The following PCDH15 variants were observed in gnomAD, a reference collection of about 807,000 sequenced individuals.
The protein encoded by PCDH15 is protocadherin-15.
A neutral mutation model predicts 178.5 loss-of-function variants in PCDH15; 129 were observed. The observed-to-expected ratio is 0.72, with a 90% CI of 0.63 to 0.84. The LOEUF (loss-of-function observed/expected upper bound fraction) is 0.84. Among genes scored for constraint, PCDH15 ranks in the 40% least tolerant of loss-of-function variants. The probability of loss-of-function intolerance (pLI) is 0.00; values close to 1 mark genes in which losing one functional copy is unlikely to be tolerated. For synonymous variants in PCDH15, 800 were observed against 732.0 expected (o/e 1.09, Z -1.50); for missense variants, 2,230 against 2,099.9 (o/e 1.06, Z -1.21).
At chr10:54,454,850 T>G (rs1174839830) in intron 3 of PCDH15, among the ~76,000 whole-genome samples, 1 of 152,110 alleles carries the variant, frequency 6.6e-6, no homozygotes, top group African/African-American at 2.4e-5. Context: ...TTTTGAGAAA[T>G]TTTGTTTTAT....
rs1938400501 is a variant in PCDH15 at position 54,327,459 on chromosome 10, A to C, written c.705+2137T>G. 2.7e-5 allele frequency among the ~76,000 whole-genome samples: 4 copies of C among 149,440 alleles called. No individual in the cohort carries two copies. In the Admixed American group the frequency reaches 2.7e-4, roughly 10 times the overall value. The stretch of plus-strand genomic sequence containing the variant: ...TTATAATATATAATTATAATATATA[A>C]AATAATAAATCATTTTTAAAATCTG... On this transcript the variant is annotated intron_variant, in intron 7 of 37. Transcript: ENST00000644397.
chr10:54,569,019 A>T (rs2089430299), intron 2 of PCDH15, among the ~76,000 whole-genome samples: 2 of 152,046 alleles, frequency 1.3e-5, no homozygotes, highest in South Asian at 4.1e-4. Context: ...AATTGCTCTA[A>T]TATAATTTTA....
At chr10:55,042,216 T>A (rs181979196) in intron 2 of PCDH15, among the ~76,000 whole-genome samples, 80 of 152,286 alleles carry the variant, frequency 5.3e-4, no homozygotes, top group Non-Finnish European at 7.8e-4. Flanking sequence ...AGAATAGGCA[T>A]GCTGACCTTG....
chr10:54,051,861 C>G (rs1243462865), intron 18 of PCDH15, among the ~76,000 whole-genome samples: 1 of 151,146 alleles, frequency 6.6e-6, no homozygotes, highest in Non-Finnish European at 1.5e-5. Context: ...GCCCACTATG[C>G]AGCCTCAGTA....
intron 2 of PCDH15, among the ~76,000 whole-genome samples, chr10:55,082,631 T>A (rs371366376): frequency 2.0e-5 from 3 of 147,384 alleles, no homozygotes; most frequent in Admixed American, 1.4e-4. Context: ...AGTTGCTTTT[T>A]AAAAAGATAA....
chr10:55,468,334 T>G (rs2132103915), intron 2 of PCDH15: 1 of 152,238 alleles, frequency 6.6e-6, no homozygotes, highest in South Asian at 2.1e-4. Flanking sequence ...TTTAGAACAC[T>G]TTGATTTCTT....
At chr10:54,891,454 G>A (rs532854221) in intron 3 of PCDH15, among the ~76,000 whole-genome samples, 1 of 152,096 alleles carries the variant, frequency 6.6e-6, no homozygotes, top group African/African-American at 2.4e-5. Context: ...TCAATAGTGA[G>A]AGGATGGTGA....
chr10:54,720,961 A>G (rs958990884), intron 1 of PCDH15, among the ~76,000 whole-genome samples: 4 of 152,040 alleles, frequency 2.6e-5, no homozygotes, highest in Non-Finnish European at 5.9e-5. Context: ...TGGATAGAGC[A>G]TTCTCCTAAA....
chr10:54,971,975 G>T (rs1053394587), intron 2 of PCDH15, among the ~76,000 whole-genome samples: 14 of 152,088 alleles, frequency 9.2e-5, no homozygotes, highest in Admixed American at 2.6e-4. Context: ...GGACACTGTC[G>T]ATTCCCTGAT....
chr10:54,724,559 T>G (rs915392553), intron 1 of PCDH15, among the ~76,000 whole-genome samples: 7 of 151,540 alleles, frequency 4.6e-5, no homozygotes, highest in Non-Finnish European at 3.0e-5. Flanking sequence ...GAAATTAATA[T>G]TAGCTGTAGA....
chr10:54,870,647 G>C (rs895433873), intron 3 of PCDH15, among the ~76,000 whole-genome samples: 5 of 151,894 alleles, frequency 3.3e-5, no homozygotes, highest in African/African-American at 9.7e-5. Flanking sequence ...TTAGCCGGGC[G>C]TGGTGGCGGG....
chr10:55,012,231 A>G (rs1840061676), intron 2 of PCDH15, among the ~76,000 whole-genome samples: 1 of 152,112 alleles, frequency 6.6e-6, no homozygotes, highest in Non-Finnish European at 1.5e-5. Context: ...GTCAAAAAAG[A>G]TATATTAAAA....
intron 2 of PCDH15, among the ~76,000 whole-genome samples, chr10:55,026,838 G>A (rs12769204): frequency 6.6e-6 from 1 of 151,846 alleles, no homozygotes; most frequent in South Asian, 2.1e-4. Flanking sequence ...AAACATAAAA[G>A]TTGGACTTAA....
chr10:54,332,839 T>G (rs530703827), intron 6 of PCDH15, among the ~76,000 whole-genome samples: 33 of 152,322 alleles, frequency 2.2e-4, no homozygotes, highest in African/African-American at 7.2e-4. Flanking sequence ...TTATTGATCT[T>G]CAGAGCACTT....
At chr10:55,356,225 GAAAT>G (rs1262832996) in intron 2 of PCDH15, among the ~76,000 whole-genome samples, 1 of 147,964 alleles carries the variant, frequency 6.8e-6, no homozygotes, top group Non-Finnish European at 1.5e-5. Flanking sequence ...AAAAGGGAAA[GAAAT>G]AAAAAAAGAA....
At chr10:54,994,664 G>C (rs995369768) in intron 2 of PCDH15, among the ~76,000 whole-genome samples, 1 of 151,972 alleles carries the variant, frequency 6.6e-6, no homozygotes, top group African/African-American at 2.4e-5. Context: ...TATAAACCAA[G>C]TGTATTTATA....
chr10:53,966,340 G>C (rs972118613), intron 21 of PCDH15, among the ~76,000 whole-genome samples: 3 of 152,078 alleles, frequency 2.0e-5, no homozygotes, highest in East Asian at 3.9e-4. Flanking sequence ...AAATGATGTA[G>C]ACTTTCCTCT....
At chr10:54,096,733 A>G (rs148686287) in intron 15 of PCDH15, among the ~76,000 whole-genome samples, 1 of 152,288 alleles carries the variant, frequency 6.6e-6, no homozygotes, top group East Asian at 1.9e-4. Context: ...TAGCCTAAGT[A>G]TCTCTAACTA....
chr10:54,119,497 G>A (rs2095176901), intron 15 of PCDH15, among the ~76,000 whole-genome samples: 1 of 152,048 alleles, frequency 6.6e-6, no homozygotes, highest in African/African-American at 2.4e-5. Context: ...AAAGGATTAT[G>A]TAAAACAATC....
Sources: allele counts gnomAD v4.1 joint callset (sites outside exome capture counted in the v4.1 genomes callset), GRCh38; gene constraint gnomAD v4.1.1; transcripts MANE v1.5; gene names NCBI Gene and HGNC (gene_info 2026-07-23, HGNC 2026-07-21).